The following METTL8 variants were observed in gnomAD, a reference collection of about 807,000 sequenced individuals.
METTL8 encodes tRNA N(3)-cytidine methyltransferase METTL8, mitochondrial.
Under a neutral mutation model 48.7 loss-of-function variants are expected in METTL8, and 32 were observed. The observed-to-expected ratio is 0.66, with a 90% CI of 0.50 to 0.88. METTL8 has a LOEUF of 0.88. Ranked by LOEUF, METTL8 falls within the 40% of genes least tolerant of loss-of-function variation. The probability of loss-of-function intolerance (pLI) is 0.00; values close to 1 mark genes in which losing one functional copy is unlikely to be tolerated. For missense variants in METTL8, 464 were observed against 474.4 expected, an observed-to-expected ratio of 0.98 and a Z score of 0.20; for synonymous variants, 136 against 157.1, an observed-to-expected ratio of 0.87 and a Z score of 1.01.
intron 2 of METTL8, among the ~76,000 whole-genome samples, chr2:171,363,100 T>G (rs1270502192): frequency 1.3e-5 from 2 of 152,218 alleles, no homozygotes; most frequent in Admixed American, 6.5e-5. Context: ...TTGCTATTTC[T>G]TATTTAATAG....
intron 7 of METTL8, among the ~76,000 whole-genome samples, chr2:171,329,137 C>T (rs1229989574): frequency 2.6e-5 from 4 of 151,880 alleles, no homozygotes; most frequent in African/African-American, 9.7e-5. Flanking sequence ...AGGCGCCCAC[C>T]ACCATGCCTG....
At chr2:171,409,149 A>C (rs1309944434) in intron 1 of METTL8, among the ~76,000 whole-genome samples, 1 of 152,218 alleles carries the variant, frequency 6.6e-6, no homozygotes, top group Non-Finnish European at 1.5e-5. Flanking sequence ...ATAGGTGGCT[A>C]AGCCGGGACT....
At chr2:171,401,690 G>A (rs1574146806) in intron 1 of METTL8, among the ~76,000 whole-genome samples, 1 of 152,196 alleles carries the variant, frequency 6.6e-6, no homozygotes, top group East Asian at 1.9e-4. Flanking sequence ...TCTGGACGTT[G>A]TCTCCAAACA....
At chr2:171,363,817 T>TATATATATATGTATATATA in intron 2 of METTL8, among the ~76,000 whole-genome samples, 1 of 129,058 alleles carries the variant, frequency 7.7e-6, no homozygotes, top group Non-Finnish European at 1.7e-5. Context: ...TATATATATC[T>TATATATATATGTATATATA]TTTTTTTTTT....
At chr2:171,432,365 G>A (rs1035186236) in intron 1 of METTL8, among the ~76,000 whole-genome samples, 5 of 152,244 alleles carry the variant, frequency 3.3e-5, no homozygotes, top group Non-Finnish European at 1.5e-5. Context: ...TTGGTTGTGG[G>A]TGAGGAACAG....
At chr2:171,342,257 G>A (rs1686853442) in intron 3 of METTL8, among the ~76,000 whole-genome samples, 1 of 152,196 alleles carries the variant, frequency 6.6e-6, no homozygotes, top group South Asian at 2.1e-4. Context: ...GTATCTGGCA[G>A]CAGGAATGCT....
chr2:171,327,605 TATGTC>T (rs1685084015), intron 7 of METTL8, among the ~76,000 whole-genome samples: 1 of 152,186 alleles, frequency 6.6e-6, no homozygotes. Context: ...AAACTCAGAT[TATGTC>T]ATGTTATGAA....
intron 1 of METTL8, among the ~76,000 whole-genome samples, chr2:171,402,832 C>T (rs1243593857): frequency 6.6e-6 from 1 of 152,054 alleles, no homozygotes; most frequent in Non-Finnish European, 1.5e-5. Context: ...GAAGTGCACA[C>T]ACATACACCC....
intron 3 of METTL8, among the ~76,000 whole-genome samples, chr2:171,340,459 G>A (rs553932439): frequency 2.4e-5 from 3 of 127,324 alleles, no homozygotes; most frequent in Non-Finnish European, 4.7e-5. Context: ...CAGAGAACAC[G>A]CCATTGCACT....
intron 2 of METTL8, among the ~76,000 whole-genome samples, chr2:171,373,842 T>C (rs1686644947): frequency 6.6e-6 from 1 of 152,226 alleles, no homozygotes; most frequent in Non-Finnish European, 1.5e-5. Context: ...GGTCTATATC[T>C]CTGTTTTGGT....
At chr2:171,342,590 C>G (rs1301367483) in intron 3 of METTL8, among the ~76,000 whole-genome samples, 1 of 150,200 alleles carries the variant, frequency 6.7e-6, no homozygotes, top group Non-Finnish European at 1.5e-5. Flanking sequence ...AGGGTCTTCT[C>G]AAGCTTTCTC....
intron 1 of METTL8, among the ~76,000 whole-genome samples, chr2:171,413,679 T>TTTA (rs1384185905): frequency 6.6e-6 from 1 of 152,184 alleles, no homozygotes; most frequent in Non-Finnish European, 1.5e-5. Flanking sequence ...CTTTGGAGCC[T>TTTA]TTATAATTTT....
intron 3 of METTL8, among the ~76,000 whole-genome samples, chr2:171,349,200 T>C (rs1683611963): frequency 6.6e-6 from 1 of 152,212 alleles, no homozygotes; most frequent in Non-Finnish European, 1.5e-5. Context: ...AAATTATATA[T>C]GTATTATAAT....
chr2:171,339,237 G>T lies in METTL8; in HGVS notation c.553C>A (p.Pro185Thr). ...CCAGGAAACAATCCAGTCTCCATAGGTCCTTTTTTGTGTTTTTCAGAGTCT... is the reference window on the plus strand; with the variant it reads ...CCAGGAAACAATCCAGTCTCCATAGTTCCTTTTTTGTGTTTTTCAGAGTCT... ...NLDSEKHKKG[P>T]METGLFPGSN... is the part of the protein sequence containing the mutation. Residue 185 changes from proline (P) to threonine (T), a missense_variant, in exon 4 of 10, where the codon CCT becomes ACT. Physicochemically the swap from Pro to Thr is conservative, Grantham distance 38. Coordinates refer to ENST00000375258, the MANE Select transcript of METTL8 (RefSeq NM_001321154.2). 4 of 1,604,636 alleles carry T rather than the reference G, an allele frequency of 2.5e-6. No homozygotes were observed. In the East Asian group the frequency reaches 8.9e-5, roughly 36 times the overall value.
At chr2:171,348,110 T>G (rs1421567789) in intron 3 of METTL8, among the ~76,000 whole-genome samples, 1 of 152,210 alleles carries the variant, frequency 6.6e-6, no homozygotes, top group East Asian at 1.9e-4. Flanking sequence ...AACTTTGGCC[T>G]CAATTTGTAG....
chr2:171,354,941 G>A lies in METTL8; in HGVS notation c.235+5481C>T, dbSNP rs1031831861. Reference sequence around the variant, plus strand: ...TAGCTCAGAGAAGTTTGTTATTACCGATCGTCTGAAGCCTTCTTCTCTCAA... The same window carrying A: ...TAGCTCAGAGAAGTTTGTTATTACCAATCGTCTGAAGCCTTCTTCTCTCAA... On this transcript the variant is annotated intron_variant, in intron 3 of 9. Coordinates refer to ENST00000375258, the MANE Select transcript of METTL8 (RefSeq NM_001321154.2). Among the ~76,000 whole-genome samples the A allele has an allele frequency of 3.9e-5, 6 of 152,086 alleles. No homozygotes were observed. In the South Asian group the frequency reaches 6.2e-4, roughly 16 times the overall value.
intron 2 of METTL8, among the ~76,000 whole-genome samples, chr2:171,362,256 T>G (rs558025444): frequency 1.3e-5 from 2 of 151,994 alleles, no homozygotes; most frequent in South Asian, 4.2e-4. Context: ...ATGACTAAAG[T>G]GGTAGCTATG....
intron 1 of METTL8, among the ~76,000 whole-genome samples, chr2:171,408,372 G>A (rs953557228): frequency 1.2e-4 from 18 of 148,516 alleles, no homozygotes; most frequent in African/African-American, 4.2e-4. Context: ...TTGGCTCACC[G>A]CAACCTCCGC....
chr2:171,373,841 C>G (rs1321855451), intron 2 of METTL8, among the ~76,000 whole-genome samples: 1 of 152,072 alleles, frequency 6.6e-6, no homozygotes, highest in Non-Finnish European at 1.5e-5. Context: ...TGGTCTATAT[C>G]TCTGTTTTGG....
Sources: gnomAD v4.1 joint callset for allele counts (sites outside exome capture counted in the v4.1 genomes callset) on GRCh38, gnomAD v4.1.1 for gene constraint, MANE v1.5 for transcripts, NCBI Gene and HGNC (gene_info 2026-07-23, HGNC 2026-07-21) for gene names.